Variants in SELENOW observed in about 807,000 individuals in gnomAD.
The protein encoded by SELENOW is selenoprotein W.
In SELENOW, 20 loss-of-function variants were observed where a neutral mutation model predicts 16.6. That is an observed-to-expected ratio of 1.21 (90% confidence interval 0.85 to 1.76). The LOEUF (loss-of-function observed/expected upper bound fraction) is 1.76. Ranked by LOEUF, SELENOW falls within the 40% of genes most tolerant of loss-of-function variation. SELENOW has a pLI of 0.00. For missense variants in SELENOW, 124 were observed against 111.0 expected, an observed-to-expected ratio of 1.12 and a Z score of -0.53; for synonymous variants, 44 against 46.2, an observed-to-expected ratio of 0.95 and a Z score of 0.19.
intron 2 of SELENOW, 37 bp downstream of exon 2, chr19:47,780,786 G>C (rs1967464822): frequency 2.5e-6 from 4 of 1,589,092 alleles, no homozygotes; most frequent in Admixed American, 3.6e-5. Flanking sequence ...ATTCCTGGGA[G>C]CTGGGGAGGG....
chr19:47,778,892 G>T, intron 1 of SELENOW, 78 bp downstream of exon 1: 2 of 1,450,540 alleles, frequency 1.4e-6, no homozygotes, highest in South Asian at 1.2e-5. Flanking sequence ...AGGGAGCCCC[G>T]GGGAGAGGAC....
chr19:47,781,149 G>A lies in SELENOW; in HGVS notation c.150G>A (p.Val50=). ...CCCAGGCCACCGGGTTCTTTGAAGT[G>A]ATGGTAGCCGGGAAGTTGATTCACT... ...GTPQATGFFE[V]MVAGKLIHSK... is the part of the protein sequence containing the mutation. The change falls in exon 4 of 6, where the codon GTG becomes GTA. Residue 50 remains valine (V), a synonymous_variant. Transcript: ENST00000601048. The A allele has an allele frequency of 6.2e-7, 1 of 1,613,890 alleles. No individual in the cohort carries two copies. The highest frequency in any genetic ancestry group is 8.5e-7 in the Non-Finnish European group (1 of 1,179,846).
At chr19:47,783,369 T>G (rs1178472287) in intron 5 of SELENOW, 5 of 152,100 alleles carry the variant, frequency 3.3e-5, no homozygotes, top group East Asian at 1.9e-4. Flanking sequence ...CCTGGCTAAT[T>G]TTTTGTATTT....
chr19:47,780,512 C>T, intron 1 of SELENOW: 1 of 598,524 alleles, frequency 1.7e-6, no homozygotes, highest in South Asian at 2.0e-5. Flanking sequence ...GCGCCACCCC[C>T]TGTGCTGTGT....
Position 47,781,197 on chromosome 19 carries a change from C to T in SELENOW, c.183+15C>T, listed in dbSNP as rs1418070997. 1 of 1,612,750 alleles carries T rather than the reference C, an allele frequency of 6.2e-7. No homozygotes were observed. Among genetic ancestry groups the T allele is most frequent in the East Asian group, 2.2e-5 (1 of 44,856 alleles). On this transcript the variant is annotated intron_variant, in intron 4 of 5. Transcript: ENST00000601048. ...ACTCTAAGAAGGTATGTCTGTCTGTCCGTCCTGCCTGGTTTTGGGGCTAGC... is the reference window on the plus strand; with the variant it reads ...ACTCTAAGAAGGTATGTCTGTCTGTTCGTCCTGCCTGGTTTTGGGGCTAGC...
intron 5 of SELENOW, chr19:47,783,846 T>C (rs1031056843): frequency 2.6e-5 from 4 of 152,088 alleles, no homozygotes; most frequent in Admixed American, 2.0e-4. Flanking sequence ...GCTGAATGCA[T>C]TGTGGACTGT....
Position 47,778,774 on chromosome 19 carries a change from C to A in SELENOW, c.-12C>A, listed in dbSNP as rs771287043. The A allele has an allele frequency of 1.9e-6, 3 of 1,602,398 alleles. No individual in the cohort carries two copies. Among genetic ancestry groups the A allele is most frequent in the African/African-American group, 1.3e-5 (1 of 74,724 alleles). On this transcript the variant is annotated 5_prime_UTR_variant, in exon 1 of 6. Transcript: ENST00000601048. ...GGCGTCCGCTCCTCAGCGGATGTGG[C>A]AGCCCCGAGCCATGGCTCTCGCCGT...
intron 4 of SELENOW, 39 bp from the exon 5 acceptor site, chr19:47,781,251 G>C (rs568273193): frequency 6.3e-7 from 1 of 1,596,916 alleles, no homozygotes; most frequent in East Asian, 2.2e-5. Context: ...TTGGTGTCTC[G>C]GTCCCAGCTC....
At chr19:47,780,304 T>A (rs1483790095) in intron 1 of SELENOW, 1 of 364,118 alleles carries the variant, frequency 2.7e-6, no homozygotes, top group African/African-American at 2.1e-5. Flanking sequence ...CTGCGAGGGC[T>A]GTGGGTGAGG....
intron 1 of SELENOW, chr19:47,779,924 CAG>C (rs2123696525): frequency 7.1e-6 from 2 of 281,126 alleles, no homozygotes; most frequent in Non-Finnish European, 1.5e-5. Flanking sequence ...CTGCAGGTGA[CAG>C]GGGTAACTGG....
chr19:47,780,052 C>T, intron 1 of SELENOW: 1 of 435,758 alleles, frequency 2.3e-6, no homozygotes, highest in African/African-American at 2.0e-5. Context: ...CCCGAAATAG[C>T]CTGCTGTGGG....
intron 1 of SELENOW, 74 bp downstream of exon 1, chr19:47,778,888 C>A: frequency 6.8e-7 from 1 of 1,477,924 alleles, no homozygotes; most frequent in East Asian, 2.4e-5. Flanking sequence ...GGTCAGGGAG[C>A]CCCGGGGAGA....
chr19:47,781,219 T>TA lies in SELENOW; in HGVS notation c.183+38dup. The TA allele has an allele frequency of 3.1e-6, 5 of 1,606,386 alleles. No homozygotes were observed. The Admixed American group carries it at 6.7e-5, about 21-fold the overall frequency. Reference sequence around the variant, plus strand: ...TGTCCGTCCTGCCTGGTTTTGGGGCTAGCATGGGGTTGGGGCTGAGGTTGG... The same window carrying TA: ...TGTCCGTCCTGCCTGGTTTTGGGGCTAAGCATGGGGTTGGGGCTGAGGTTGG... On this transcript the variant is annotated intron_variant, in intron 4 of 5. Transcript: ENST00000601048.
intron 3 of SELENOW, 73 bp downstream of exon 3, chr19:47,780,990 A>G (rs749820388): frequency 5.7e-6 from 9 of 1,569,304 alleles, no homozygotes; most frequent in Non-Finnish European, 7.9e-6. Flanking sequence ...ATGGCACTGC[A>G]GGGGGGTTAG....
At chr19:47,780,311 G>A (rs1047837405) in intron 1 of SELENOW, 7 of 362,476 alleles carry the variant, frequency 1.9e-5, no homozygotes, top group African/African-American at 1.5e-4. Context: ...GGCTGTGGGT[G>A]AGGGTGGTGG....
chr19:47,779,058 T>A (rs993851747), intron 1 of SELENOW: 62 of 537,742 alleles, frequency 1.2e-4, no homozygotes, highest in Non-Finnish European at 1.7e-4. Flanking sequence ...CTGAGACGAG[T>A]GTGTGTCAAT....
At chr19:47,781,940 A>G (rs1262433870) in intron 5 of SELENOW, among the ~76,000 whole-genome samples, 2 of 152,108 alleles carry the variant, frequency 1.3e-5, no homozygotes, top group Non-Finnish European at 2.9e-5. Context: ...AGAGGTATGC[A>G]GGATGACAGC....
intron 1 of SELENOW, chr19:47,780,251 C>T (rs1427663577): frequency 2.2e-5 from 8 of 371,170 alleles, no homozygotes; most frequent in Non-Finnish European, 3.8e-5. Flanking sequence ...ATTAGCTGGG[C>T]GTGGTGTAAG....
rs1273091976 is a variant in SELENOW, at chr19:47,784,508, A to G, written c.*237A>G. 1 of 152,238 alleles carries G rather than the reference A, an allele frequency of 6.6e-6. No homozygotes were observed. Among genetic ancestry groups the G allele is most frequent in the Non-Finnish European group, 1.5e-5 (1 of 68,038 alleles). The allele number at this position is 152,238 out of a possible 1,614,324, so 9.4% of individuals were successfully genotyped here. A position where few individuals can be genotyped will look rare whatever the true frequency, so the allele number is the denominator to read the frequency against. ...CCTCCTCCTGTCCCGTGGTTTCATC[A>G]TATCTCTTTGCATACCCCATGTCTT... On this transcript the variant is annotated 3_prime_UTR_variant, in exon 6 of 6. Transcript: ENST00000601048.
Sources: allele counts gnomAD v4.1 joint callset (sites outside exome capture counted in the v4.1 genomes callset), GRCh38; gene constraint gnomAD v4.1.1; transcripts MANE v1.5; gene names NCBI Gene and HGNC (gene_info 2026-07-23, HGNC 2026-07-21).